Variants in CNOT2 observed in about 807,000 individuals in gnomAD.
CNOT2 encodes CC chemokine receptor 4-negative regulator of transcription 2.
A neutral mutation model predicts 72.1 loss-of-function variants in CNOT2; 7 were observed. The observed-to-expected ratio is 0.10, with a 90% CI of 0.06 to 0.18. The LOEUF (loss-of-function observed/expected upper bound fraction) is 0.18. Among genes scored for constraint, CNOT2 ranks in the 10% least tolerant of loss-of-function variants. The pLI, the probability that CNOT2 is intolerant of heterozygous loss-of-function variation, is 1.00. For synonymous variants in CNOT2, 196 were observed against 225.6 expected (o/e 0.87, Z 1.17); for missense variants, 345 against 660.3 (o/e 0.52, Z 5.23).
At chr12:70,290,777 C>T (rs927048449) in intron 2 of CNOT2, 2 of 152,120 alleles carry the variant, frequency 1.3e-5, no homozygotes, top group African/African-American at 4.8e-5. Context: ...CCTCCCACCT[C>T]AGCCTCTCAA....
At chr12:70,312,546 C>A (rs973149204) in intron 3 of CNOT2, among the ~76,000 whole-genome samples, 3 of 151,916 alleles carry the variant, frequency 2.0e-5, no homozygotes, top group Non-Finnish European at 4.4e-5. Context: ...TATATACTTA[C>A]ACACATACTC....
intron 4 of CNOT2, 106 bp from the exon 5 acceptor site, chr12:70,329,317 A>G: frequency 1.4e-6 from 1 of 709,414 alleles, no homozygotes; most frequent in South Asian, 2.1e-5. Context: ...AAATTTGCGT[A>G]CTATGTTAGG....
intron 14 of CNOT2, chr12:70,345,670 A>G (rs1340774066): frequency 6.6e-6 from 1 of 152,230 alleles, no homozygotes; most frequent in African/African-American, 2.4e-5. Context: ...AATAAAAAGT[A>G]AATATATTCA....
intron 2 of CNOT2, among the ~76,000 whole-genome samples, chr12:70,296,287 A>G (rs1198129676): frequency 2.0e-5 from 3 of 152,102 alleles, no homozygotes; most frequent in African/African-American, 7.2e-5. Flanking sequence ...TCTACTCTCC[A>G]AAATAGTGAT....
intron 1 of CNOT2, among the ~76,000 whole-genome samples, chr12:70,253,865 C>G (rs1242634937): frequency 6.6e-6 from 1 of 152,204 alleles, no homozygotes; most frequent in Non-Finnish European, 1.5e-5. Flanking sequence ...CTTATATGTA[C>G]TGTTCCCCCC....
intron 4 of CNOT2, among the ~76,000 whole-genome samples, chr12:70,326,722 A>G (rs1000503161): frequency 6.6e-6 from 1 of 151,994 alleles, no homozygotes; most frequent in South Asian, 2.1e-4. Flanking sequence ...TAAAGTAACA[A>G]TTATTAAGTA....
At chr12:70,328,116 C>CT (rs2136016033) in intron 4 of CNOT2, among the ~76,000 whole-genome samples, 1 of 151,886 alleles carries the variant, frequency 6.6e-6, no homozygotes, top group African/African-American at 2.4e-5. Context: ...TCCATGGAAT[C>CT]TGAGTGAAAA....
intron 2 of CNOT2, among the ~76,000 whole-genome samples, chr12:70,299,999 T>A (rs896220911): frequency 6.6e-6 from 1 of 152,174 alleles, no homozygotes; most frequent in African/African-American, 2.4e-5. Flanking sequence ...TTTTCATGTG[T>A]TTTTTTGGCT....
intron 1 of CNOT2, among the ~76,000 whole-genome samples, chr12:70,269,450 C>A (rs1223439641): frequency 6.6e-6 from 1 of 152,072 alleles, no homozygotes. Context: ...TAATAGTTTA[C>A]ATGTGCAAAA....
At chr12:70,274,498 A>T (rs1868426164) in intron 1 of CNOT2, among the ~76,000 whole-genome samples, 1 of 152,102 alleles carries the variant, frequency 6.6e-6, no homozygotes, top group Admixed American at 6.6e-5. Context: ...TTTAACTTTG[A>T]GTATGGTAAT....
chr12:70,278,532 G>T, intron 2 of CNOT2: 1 of 411,172 alleles, frequency 2.4e-6, no homozygotes. Flanking sequence ...TAGATTATTT[G>T]ATATACAAGT....
chr12:70,292,400 T>C (rs556094182), intron 2 of CNOT2, among the ~76,000 whole-genome samples: 2 of 151,928 alleles, frequency 1.3e-5, no homozygotes, highest in Admixed American at 6.6e-5. Context: ...ATGTAAGGGG[T>C]GGGGGACAAA....
chr12:70,250,384 T>C (rs1398072806), intron 1 of CNOT2, among the ~76,000 whole-genome samples: 1 of 152,144 alleles, frequency 6.6e-6, no homozygotes, highest in African/African-American at 2.4e-5. Flanking sequence ...AAGTTGAGGC[T>C]CTGCTGGTTA....
At chr12:70,293,127 T>G (rs1872203143) in intron 2 of CNOT2, among the ~76,000 whole-genome samples, 1 of 151,988 alleles carries the variant, frequency 6.6e-6, no homozygotes, top group Non-Finnish European at 1.5e-5. Context: ...TTTCAAGGAT[T>G]CAACATTTTT....
chr12:70,289,487 T>C (rs1265453595), intron 2 of CNOT2, among the ~76,000 whole-genome samples: 1 of 152,152 alleles, frequency 6.6e-6, no homozygotes, highest in Non-Finnish European at 1.5e-5. Context: ...TGTATGTTTA[T>C]ACAAATTTAG....
chr12:70,324,648 C>G (rs1304476106), intron 4 of CNOT2, among the ~76,000 whole-genome samples: 1 of 151,818 alleles, frequency 6.6e-6, no homozygotes, highest in East Asian at 1.9e-4. Context: ...TGGCACTCCT[C>G]TAAAGATCCA....
At position 70,342,269 on chromosome 12, in the gene CNOT2, C is replaced by T. The variant is rs2136068010; in HGVS notation, c.1252C>T (p.Pro418Ser). The change falls in exon 13 of 16, where the codon CCA (proline) becomes TCA (serine). Residue 418 changes from proline (P) to serine (S), a missense_variant. By Grantham distance (74) the Pro-to-Ser change is moderately conservative. This residue lies in a region of CNOT2 where 53 missense variants were observed against 153.4 expected (regional missense o/e 0.35). Coordinates refer to ENST00000229195, the MANE Select transcript of CNOT2 (RefSeq NM_014515.7). ...CRPQDIDFHV[P>S]SEYLTNIHIR... ...ATTTTATTATCCAGACTTCCATGTT[C>T]CATCTGAGTACTTAACGAACATTCA... The T allele has an allele frequency of 6.2e-7, 1 of 1,613,732 alleles. No homozygotes were observed. Among genetic ancestry groups the T allele is most frequent in the Admixed American group, 1.7e-5 (1 of 59,974 alleles).
chr12:70,316,069 A>G (rs868102216), intron 3 of CNOT2, among the ~76,000 whole-genome samples: 2 of 152,200 alleles, frequency 1.3e-5, no homozygotes, highest in African/African-American at 4.8e-5. Flanking sequence ...CCTATACTTC[A>G]GCTCTGTGAG....
rs1421071097 is a variant in CNOT2 at position 70,319,341 on chromosome 12, G to C, written c.215G>C (p.Gly72Ala). Residue 72 changes from glycine (G) to alanine (A), a missense_variant, in exon 4 of 16, where the codon GGG becomes GCG. Coordinates refer to ENST00000229195, the MANE Select transcript of CNOT2 (RefSeq NM_014515.7). ...ACATCAGGTCAGCTGTCTCAGTTTG[G>C]GGCAAGTTTATACGGGCAACAAAGT... ...PSTSGQLSQF[G>A]ASLYGQQSAL... 3 of 1,610,342 alleles carry C rather than the reference G, an allele frequency of 1.9e-6. No individual in the cohort carries two copies. The Admixed American group carries it at 5.0e-5, about 27-fold the overall frequency.
Sources: allele counts gnomAD v4.1 joint callset (sites outside exome capture counted in the v4.1 genomes callset), GRCh38; gene constraint gnomAD v4.1.1; regional missense constraint gnomAD v4.1.1; transcripts MANE v1.5; gene names NCBI Gene and HGNC (gene_info 2026-07-23, HGNC 2026-07-21).